Variants in FBXW8 observed in about 807,000 individuals in gnomAD.
FBXW8 encodes the protein F-box and WD repeat domain containing 8.
FBXW8 carries 57 observed loss-of-function variants against 65.3 expected under a neutral mutation model. That is an observed-to-expected ratio of 0.87 (90% CI 0.71 to 1.09). The LOEUF is 1.09. FBXW8 is among the 50% of genes least tolerant of loss of function. The probability of loss-of-function intolerance (pLI) is 0.00; values close to 1 mark genes in which losing one functional copy is unlikely to be tolerated. For synonymous variants in FBXW8, 308 were observed against 330.2 expected (o/e 0.93, Z 0.73); for missense variants, 777 against 814.8 (o/e 0.95, Z 0.57).
chr12:116,947,750 A>AAAAAAG lies in FBXW8; in HGVS notation c.589-1864_589-1863insAGAAAA, dbSNP rs1555218999. Among the ~76,000 whole-genome samples the AAAAAAG allele has an allele frequency of 3.2e-3, 436 of 137,660 alleles. 3 individuals carry two copies. The highest frequency in any genetic ancestry group is 7.6e-3 in the East Asian group (36 of 4,724). The allele number at this position is 137,660 out of a possible 152,430, so 90.3% of individuals were successfully genotyped here. A position where few individuals can be genotyped will look rare whatever the true frequency, so the allele number is the denominator to read the frequency against. ...CGAGACTGTCTCAAAAAAAAAAAAA[A>AAAAAAG]AAAAGAAAAGAAAGAAAGAAATGAA... On this transcript the variant is annotated intron_variant, in intron 3 of 10. Transcript: ENST00000652555.
At chr12:116,957,184 CA>C (rs1471132205) in intron 4 of FBXW8, among the ~76,000 whole-genome samples, 1 of 151,580 alleles carries the variant, frequency 6.6e-6, no homozygotes, top group African/African-American at 2.4e-5. Context: ...CCTTCTCTAC[CA>C]AAAATACAAA....
In FBXW8 at chr12:117,028,137, G is replaced by A. The variant is rs781217066; in HGVS notation, c.1762G>A (p.Asp588Asn). ...TGACGCCATGGCCACTCACTACTACGACCTCGCACTGGCCTTTCCCTATAA... is the reference window on the plus strand; with the variant it reads ...TGACGCCATGGCCACTCACTACTACAACCTCGCACTGGCCTTTCCCTATAA... ...SCDAMATHYYDLALAFPYNHV is the reference protein window; with the variant it reads ...SCDAMATHYYNLALAFPYNHV The change falls in exon 11 of 11, where the codon GAC becomes AAC. Residue 588 changes from aspartate (D) to asparagine (N), a missense_variant. Coordinates refer to ENST00000652555, the MANE Select transcript of FBXW8 (RefSeq NM_153348.3). The surrounding 1 kb of genome is among the most constrained non-coding windows in gnomAD (Gnocchi z 4.1). The A allele has an allele frequency of 4.3e-6, 7 of 1,614,124 alleles. No homozygotes were observed. The highest frequency in any genetic ancestry group is 5.1e-6 in the Non-Finnish European group (6 of 1,180,030).
At chr12:116,966,867 C>T (rs1398665997) in intron 5 of FBXW8, among the ~76,000 whole-genome samples, 1 of 152,052 alleles carries the variant, frequency 6.6e-6, no homozygotes, top group African/African-American at 2.4e-5. Flanking sequence ...TATGAGTGCC[C>T]ACCACAACAA....
chr12:116,950,808 G>A (rs1352624769), intron 4 of FBXW8: 1 of 152,134 alleles, frequency 6.6e-6, no homozygotes, highest in Non-Finnish European at 1.5e-5. Flanking sequence ...ATCGATGCTC[G>A]TTGCTAAAAT....
chr12:117,017,401 G>GAGAT (rs1376356170), intron 8 of FBXW8, among the ~76,000 whole-genome samples: 3 of 152,162 alleles, frequency 2.0e-5, no homozygotes, highest in African/African-American at 7.2e-5. Flanking sequence ...CTAAACTTCA[G>GAGAT]AGATACAGCC....
intron 8 of FBXW8, among the ~76,000 whole-genome samples, chr12:117,013,660 A>C (rs1408124270): frequency 1.3e-5 from 2 of 152,222 alleles, no homozygotes; most frequent in Non-Finnish European, 2.9e-5. Context: ...GGACTTTTAC[A>C]ATAGCATCAT....
chr12:116,932,428 G>A (rs766088358), intron 2 of FBXW8, among the ~76,000 whole-genome samples: 5 of 152,184 alleles, frequency 3.3e-5, no homozygotes, highest in African/African-American at 4.8e-5. Context: ...TATGAAGGCG[G>A]TTTGAGAGTG....
At chr12:116,912,653 T>C (rs561373403) in intron 1 of FBXW8, among the ~76,000 whole-genome samples, 67 of 151,920 alleles carry the variant, frequency 4.4e-4, no homozygotes, top group South Asian at 3.5e-3. Flanking sequence ...TTAGTAGAGA[T>C]GGGGTTTCAC....
chr12:116,975,264 A>G lies in FBXW8; in HGVS notation c.836-9942A>G, dbSNP rs574050537. Reference sequence around the variant, plus strand: ...TCCGTTTGGGCTGTTATAACAAAACAGTATAAACTGGGTGACTTATAAACA... The same window carrying G: ...TCCGTTTGGGCTGTTATAACAAAACGGTATAAACTGGGTGACTTATAAACA... On this transcript the variant is annotated intron_variant, in intron 5 of 10. Transcript: ENST00000652555. Among the ~76,000 whole-genome samples the G allele has an allele frequency of 2.0e-5, 3 of 152,162 alleles. No homozygotes were observed. In the East Asian group the frequency reaches 5.9e-4, roughly 30 times the overall value.
chr12:116,955,042 G>GC (rs999921103), intron 4 of FBXW8, among the ~76,000 whole-genome samples: 1 of 150,974 alleles, frequency 6.6e-6, no homozygotes, highest in Non-Finnish European at 1.5e-5. Flanking sequence ...GAAATGGGGG[G>GC]GGGGGGCCCT....
At chr12:116,968,825 A>G (rs1884480558) in intron 5 of FBXW8, among the ~76,000 whole-genome samples, 1 of 152,232 alleles carries the variant, frequency 6.6e-6, no homozygotes, top group Non-Finnish European at 1.5e-5. Context: ...AATTAAAAAA[A>G]AAATGTGTAC....
At chr12:116,952,130 AT>A (rs1289029641) in intron 4 of FBXW8, among the ~76,000 whole-genome samples, 1 of 152,004 alleles carries the variant, frequency 6.6e-6, no homozygotes, top group Non-Finnish European at 1.5e-5. Flanking sequence ...TGACTGCATC[AT>A]TTTTTTAGTT....
At position 116,945,375 on chromosome 12, in the gene FBXW8, G is replaced by T. The variant is rs376401839; in HGVS notation, c.435G>T (p.Thr145=). ...ELGRCAQVSK[T]WKVIAEDEVL... is the part of the protein sequence containing the mutation. ...TTCTGCTGTTTTAGGTGAGCAAGAC[G>T]TGGAAGGTGATTGCAGAGGATGAGG... The change falls in exon 3 of 11, where the codon ACG becomes ACT. Residue 145 remains threonine, a synonymous_variant. Transcript: ENST00000652555. 3 of 1,612,432 alleles carry T rather than the reference G, an allele frequency of 1.9e-6. No individual in the cohort carries two copies. The African/African-American group carries it at 4.0e-5, about 22-fold the overall frequency.
At chr12:116,918,260 C>T (rs998770366) in intron 1 of FBXW8, among the ~76,000 whole-genome samples, 1 of 152,112 alleles carries the variant, frequency 6.6e-6, no homozygotes, top group African/African-American at 2.4e-5. Flanking sequence ...GTGGATATAC[C>T]TGAGTATAAT....
intron 8 of FBXW8, among the ~76,000 whole-genome samples, chr12:117,023,239 G>A (rs1954143258): frequency 6.6e-6 from 1 of 152,118 alleles, no homozygotes; most frequent in Non-Finnish European, 1.5e-5. Context: ...ACAGCTTTTG[G>A]GTCAGACGTG....
chr12:116,931,230 T>C (rs2137315449), intron 2 of FBXW8, among the ~76,000 whole-genome samples: 1 of 152,350 alleles, frequency 6.6e-6, no homozygotes, highest in African/African-American at 2.4e-5. Flanking sequence ...AGTTCTGTTT[T>C]ACTGGTCTAT....
intron 7 of FBXW8, among the ~76,000 whole-genome samples, chr12:117,008,047 CAG>C (rs1308675057): frequency 1.3e-5 from 2 of 152,210 alleles, no homozygotes; most frequent in East Asian, 1.9e-4. Flanking sequence ...GATGAATTTG[CAG>C]AGAGTCTTTT....
rs1281309552 is a variant in FBXW8 at position 117,030,145 on chromosome 12, G to C, written c.*1973G>C. 1 of 152,144 alleles carries C rather than the reference G, an allele frequency of 6.6e-6. No homozygotes were observed. Among genetic ancestry groups the C allele is most frequent in the Non-Finnish European group, 1.5e-5 (1 of 68,032 alleles). The allele number at this position is 152,144 out of a possible 1,614,324, so 9.4% of individuals were successfully genotyped here. A position where few individuals can be genotyped will look rare whatever the true frequency, so the allele number is the denominator to read the frequency against. On this transcript the variant is annotated 3_prime_UTR_variant, in exon 11 of 11. Transcript: ENST00000652555. ...AAGCCTAGAACCTTCACGTCATGAA[G>C]GTTCTGGAAGGTTTTTCAGATTGCT...
intron 7 of FBXW8, among the ~76,000 whole-genome samples, chr12:117,004,774 G>GT (rs1953636641): frequency 1.8e-5 from 1 of 54,556 alleles, no homozygotes; most frequent in African/African-American, 6.6e-4. Context: ...TTGGTCTCCT[G>GT]TTTCCCCAGC....
Sources: allele counts gnomAD v4.1 joint callset (sites outside exome capture counted in the v4.1 genomes callset), GRCh38; gene constraint gnomAD v4.1.1; non-coding constraint Gnocchi (gnomAD v3.1); transcripts MANE v1.5; gene names NCBI Gene and HGNC (gene_info 2026-07-23, HGNC 2026-07-21).